Variants in TIE1 observed in about 807,000 individuals in gnomAD.
TIE1 encodes tyrosine-protein kinase receptor Tie-1.
In TIE1, 89 loss-of-function variants were observed where a neutral mutation model predicts 130.5. The observed-to-expected ratio is 0.68, with a 90% CI of 0.57 to 0.81. TIE1 has a LOEUF of 0.81. Among genes scored for constraint, TIE1 ranks in the 40% least tolerant of loss-of-function variants. The probability of loss-of-function intolerance (pLI) is 0.00; values close to 1 mark genes in which losing one functional copy is unlikely to be tolerated. For missense variants in TIE1, 1,392 were observed against 1,559.8 expected, an observed-to-expected ratio of 0.89 and a Z score of 1.81; for synonymous variants, 568 against 629.4, an observed-to-expected ratio of 0.90 and a Z score of 1.46.
rs531492123 is a variant in TIE1 at position 43,306,695 on chromosome 1, C to T, written c.485-145C>T. Reference sequence around the variant, plus strand: ...AAGAGGGCACTTCTGAGCTTTCTGGCGTGGGCATAGGCTCTCGTGGTGCCG... The same window carrying T: ...AAGAGGGCACTTCTGAGCTTTCTGGTGTGGGCATAGGCTCTCGTGGTGCCG... On this transcript the variant is annotated intron_variant, in intron 3 of 22. Transcript: ENST00000372476. The surrounding 1 kb of genome is among the most constrained non-coding windows in gnomAD (Gnocchi z 4.9). 13 of 1,041,484 alleles carry T rather than the reference C, an allele frequency of 1.2e-5. No individual in the cohort carries two copies. The highest frequency in any genetic ancestry group is 1.7e-5 in the Non-Finnish European group (12 of 719,960). 64.5% of individuals were successfully genotyped at this position (1,041,484 alleles called of 1,614,324 possible). A position where few individuals can be genotyped will look rare whatever the true frequency, so the allele number is the denominator to read the frequency against.
At position 43,306,955 on chromosome 1, in the gene TIE1, C is replaced by G. The variant is rs1310707132; in HGVS notation, c.600C>G (p.Ala200=). The G allele has an allele frequency of 6.2e-7, 1 of 1,614,014 alleles. No individual in the cohort carries two copies. The highest frequency in any genetic ancestry group is 8.5e-7 in the Non-Finnish European group (1 of 1,180,000). The change falls in exon 4 of 23, where the codon GCC becomes GCG. Residue 200 remains alanine (A), a synonymous_variant. Transcript: ENST00000372476. This position sits in a 1 kb window ranked among gnomAD's most constrained non-coding sequence, Gnocchi z 4.9. ...TCTACAGTGCCACTTACCTGGAAGCCAGCCCCCTGGGCAGCGCCTTCTTTC... is the reference window on the plus strand; with the variant it reads ...TCTACAGTGCCACTTACCTGGAAGCGAGCCCCCTGGGCAGCGCCTTCTTTC... ...SGIYSATYLE[A]SPLGSAFFRL...
At chr1:43,321,097 G>T (rs1310897924) in intron 19 of TIE1, among the ~76,000 whole-genome samples, 172 bp from the exon 20 acceptor site, 1 of 151,804 alleles carries the variant, frequency 6.6e-6, no homozygotes, top group Admixed American at 6.6e-5. Context: ...AGGGATGGGG[G>T]CAGTATGAAG....
intron 1 of TIE1, among the ~76,000 whole-genome samples, chr1:43,303,990 A>G (rs1488126230): frequency 6.6e-6 from 1 of 152,224 alleles, no homozygotes; most frequent in Non-Finnish European, 1.5e-5. Context: ...TTTGGAAGGC[A>G]AACAAAGACC....
Position 43,306,229 on chromosome 1 carries a change from C to A in TIE1, c.485-611C>A, listed in dbSNP as rs1646726942. 6.6e-6 allele frequency among the ~76,000 whole-genome samples: 1 copy of A among 152,058 alleles called. No individual in the cohort carries two copies. Among genetic ancestry groups the A allele is most frequent in the Admixed American group, 6.6e-5 (1 of 15,254 alleles). The stretch of plus-strand genomic sequence containing the variant: ...AGGCAGAAAAGGAAGGAAGGGCCTT[C>A]CAGGAGGAGGGACTGAGAAGAGCAG... On this transcript the variant is annotated intron_variant, in intron 3 of 22. Transcript: ENST00000372476. The surrounding 1 kb of genome is among the most constrained non-coding windows in gnomAD (Gnocchi z 4.9).
rs1646926517 is a variant in TIE1 at position 43,322,108 on chromosome 1, C to T, written c.3345+393C>T. ...TGGATGGATGGGTGAATGAGTGATA[C>T]AGTAACCGTATGAATGAATGAATGG... On this transcript the variant is annotated intron_variant, in intron 22 of 22. Coordinates refer to ENST00000372476, the MANE Select transcript of TIE1 (RefSeq NM_005424.5). The surrounding 1 kb of genome is among the most constrained non-coding windows in gnomAD (Gnocchi z 4.0). Among the ~76,000 whole-genome samples the T allele has an allele frequency of 1.3e-5, 2 of 152,116 alleles. No homozygotes were observed. The highest frequency in any genetic ancestry group is 6.5e-5 in the Admixed American group (1 of 15,272).
chr1:43,307,182 G>A lies in TIE1; in HGVS notation c.681G>A (p.Glu227=). The A allele has an allele frequency of 1.9e-6, 3 of 1,614,170 alleles. 1 individual carries two copies. The South Asian group carries it at 3.3e-5, about 18-fold the overall frequency. The change falls in exon 5 of 23, where the codon GAG becomes GAA. Residue 227 remains glutamate, a synonymous_variant. Coordinates refer to ENST00000372476, the MANE Select transcript of TIE1 (RefSeq NM_005424.5). The surrounding 1 kb of genome is among the most constrained non-coding windows in gnomAD (Gnocchi z 5.4). The part of the protein sequence containing the change: ...AGRWGPGCTK[E]CPGCLHGGVC... ...GCTGGGGGCCAGGCTGTACCAAGGAGTGCCCAGGTTGCCTACATGGAGGTG... is the reference window on the plus strand; with the variant it reads ...GCTGGGGGCCAGGCTGTACCAAGGAATGCCCAGGTTGCCTACATGGAGGTG...
chr1:43,321,042 AAAAAAAAAAAAAC>A (rs1488175742), intron 19 of TIE1, among the ~76,000 whole-genome samples: 3 of 149,956 alleles, frequency 2.0e-5, no homozygotes, highest in Admixed American at 6.6e-5. Context: ...CAAAAAAAAA[AAAAAAAAAAAAAC>A]AAAACAAAAG....
At position 43,312,797 on chromosome 1, in the gene TIE1, ACAGATCAC is replaced by A. The variant is rs147444376; in HGVS notation, c.1927+200_1927+207del. 7.4e-3 allele frequency among the ~76,000 whole-genome samples: 1,119 copies of A among 152,236 alleles called. 8 individuals are homozygous for A. The highest frequency in any genetic ancestry group is 0.026 in the African/African-American group (1,063 of 41,516). On this transcript the variant is annotated intron_variant, in intron 12 of 22. Coordinates refer to ENST00000372476, the MANE Select transcript of TIE1 (RefSeq NM_005424.5). This position sits in a 1 kb window ranked among gnomAD's most constrained non-coding sequence, Gnocchi z 5.6. ...GGAAGATCCAGGGTACCAGGAGGAC[ACAGATCAC>A]CAGGAGCATGTGGGGAGAGCATGGG...
chr1:43,305,043 G>T lies in TIE1; in HGVS notation c.251G>T (p.Gly84Val), dbSNP rs761774649. 3 of 1,600,976 alleles carry T rather than the reference G, an allele frequency of 1.9e-6. No homozygotes were observed. In the Admixed American group the frequency reaches 5.1e-5, roughly 27 times the overall value. Reference protein sequence around the residue: ...PGPPLRLARNGSHQVTLRGFS... With the variant: ...PGPPLRLARNVSHQVTLRGFS... ...CCACCCCTGCGCCTGGCGCGCAACG[G>T]TTCGCACCAGGTCACGCTTCGCGGC... Residue 84 changes from glycine to valine, a missense_variant, in exon 2 of 23, where the codon GGT becomes GTT. This residue lies in a region of TIE1 where 415 missense variants were observed against 424.8 expected (regional missense o/e 0.98). Transcript: ENST00000372476.
In TIE1 at chr1:43,304,927, T is replaced by C. The variant is rs190417681; in HGVS notation, c.135T>C (p.Ser45=). 575 of 1,442,536 alleles carry C rather than the reference T, an allele frequency of 4.0e-4. 2 individuals are homozygous for C. In the African/African-American group the frequency reaches 7.4e-3, roughly 19 times the overall value. The allele number at this position is 1,442,536 out of a possible 1,614,324, so 89.4% of individuals were successfully genotyped here. ...DPQRFFLTCV[S]GEAGAGRGSD... is the part of the protein sequence containing the mutation. ...AGCGCTTCTTCCTGACTTGCGTGTCTGGGGAGGCCGGGGCGGGGAGGGGCT... is the reference window on the plus strand; with the variant it reads ...AGCGCTTCTTCCTGACTTGCGTGTCCGGGGAGGCCGGGGCGGGGAGGGGCT... The change falls in exon 2 of 23, where the codon TCT becomes TCC. Residue 45 remains serine, a synonymous_variant. Coordinates refer to ENST00000372476, the MANE Select transcript of TIE1 (RefSeq NM_005424.5).
Position 43,304,928 on chromosome 1 carries a change from G to A in TIE1, c.136G>A (p.Gly46Arg), listed in dbSNP as rs1646709047. 1 of 1,444,440 alleles carries A rather than the reference G, an allele frequency of 6.9e-7. No individual in the cohort carries two copies. Among genetic ancestry groups the A allele is most frequent in the Non-Finnish European group, 9.1e-7 (1 of 1,103,344 alleles). 89.5% of individuals were successfully genotyped at this position (1,444,440 alleles called of 1,614,324 possible). A position where few individuals can be genotyped will look rare whatever the true frequency, so the allele number is the denominator to read the frequency against. The part of the protein sequence containing the change: ...PQRFFLTCVS[G>R]EAGAGRGSDA... The stretch of plus-strand genomic sequence containing the variant: ...GCGCTTCTTCCTGACTTGCGTGTCT[G>A]GGGAGGCCGGGGCGGGGAGGGGCTC... The change falls in exon 2 of 23, where the codon GGG becomes AGG. Residue 46 changes from glycine (G) to arginine (R), a missense_variant. Transcript: ENST00000372476.
chr1:43,305,225 C>T lies in TIE1; in HGVS notation c.374-8C>T, dbSNP rs1206016391. The T allele has an allele frequency of 1.9e-6, 3 of 1,613,944 alleles. No homozygotes were observed. Among genetic ancestry groups the T allele is most frequent in the Non-Finnish European group, 2.5e-6 (3 of 1,179,896 alleles). ...AACCAGGCCGCTGACCCACCTTCCA[C>T]CCCGCAGCCCACCTGCTTCCAGACA... On this transcript the variant is annotated splice_polypyrimidine_tract_variant and splice_region_variant and intron_variant, in intron 2 of 22. Transcript: ENST00000372476.
At chr1:43,308,964 G>A in intron 7 of TIE1, 22 bp from the exon 8 acceptor site, 4 of 1,614,010 alleles carry the variant, frequency 2.5e-6, no homozygotes, top group Middle Eastern at 1.7e-4. Context: ...GGAGCTCCAG[G>A]ATGAGTGTCC....
Position 43,305,308 on chromosome 1 carries a change from AG to A in TIE1, c.451del (p.Glu151ArgfsTer6), listed in dbSNP as rs1198027122. The A allele has an allele frequency of 6.3e-7, 1 of 1,596,598 alleles. No individual in the cohort carries two copies. Among genetic ancestry groups the A allele is most frequent in the Non-Finnish European group, 8.6e-7 (1 of 1,167,920 alleles). On this transcript the variant is annotated frameshift_variant, in exon 3 of 23. Coordinates refer to ENST00000372476, the MANE Select transcript of TIE1 (RefSeq NM_005424.5). LOFTEE classifies it high-confidence loss of function. ...DTAVLSARVH[K>X]EKQTDVIWKS... ...GCTGTACTTTCTGCACGTGTGCACA[AG>A]GAGAAGCAGACAGACGTGATCTGGA...
At position 43,313,850 on chromosome 1, in the gene TIE1, C is replaced by T. The variant is rs755338062; in HGVS notation, c.2291C>T (p.Ala764Val). 1.1e-5 allele frequency: 18 copies of T among 1,613,942 alleles called. No homozygotes were observed. In the Admixed American group the frequency reaches 1.5e-4, roughly 13 times the overall value. The change falls in exon 14 of 23, where the codon GCG (alanine) becomes GTG (valine). Residue 764 changes from alanine to valine, a missense_variant. Around this residue, in one of 6 missense-constraint regions of TIE1, gnomAD observed 286 missense variants for 354.4 expected, o/e 0.81. Transcript: ENST00000372476. This position sits in a 1 kb window ranked among gnomAD's most constrained non-coding sequence, Gnocchi z 6.2. Reference protein sequence around the residue: ...EEGLDQQLILAVVGSVSATCL... With the variant: ...EEGLDQQLILVVVGSVSATCL... ...GGCCTGGATCAGCAGCTGATCCTGG[C>T]GGTGGTGGGCTCCGTGTCTGCCACC...
intron 7 of TIE1, 113 bp from the exon 8 acceptor site, chr1:43,308,873 T>C: frequency 1.4e-6 from 2 of 1,461,700 alleles, no homozygotes; most frequent in African/African-American, 1.4e-5. Context: ...GTTTTCAGGC[T>C]GGAGGGACTG....
At chr1:43,311,638 T>C (rs1646792183) in intron 9 of TIE1, 33 bp from the exon 10 acceptor site, 1 of 1,598,206 alleles carries the variant, frequency 6.3e-7, no homozygotes, top group Non-Finnish European at 8.5e-7. Context: ...GGATAGGCTG[T>C]GTGCCCATGC....
intron 10 of TIE1, 48 bp downstream of exon 10, chr1:43,311,877 G>A (rs1427155819): frequency 1.3e-6 from 2 of 1,594,456 alleles, no homozygotes; most frequent in African/African-American, 1.3e-5. Context: ...GGGTAATAGT[G>A]AAGGGATACA....
In TIE1 at chr1:43,312,694, A is replaced by G; in HGVS notation, c.1927+93A>G. The G allele has an allele frequency of 7.1e-7, 1 of 1,402,666 alleles. No individual in the cohort carries two copies. The highest frequency in any genetic ancestry group is 9.6e-7 in the Non-Finnish European group (1 of 1,040,520). The allele number at this position is 1,402,666 out of a possible 1,614,324, so 86.9% of individuals were successfully genotyped here. A position where few individuals can be genotyped will look rare whatever the true frequency, so the allele number is the denominator to read the frequency against. ...TAGGAGACACGGGAGGCTGTAGGAG[A>G]TTAATGGACATGGAGAGGACACAGG... On this transcript the variant is annotated intron_variant, in intron 12 of 22. Coordinates refer to ENST00000372476, the MANE Select transcript of TIE1 (RefSeq NM_005424.5). The surrounding 1 kb of genome is among the most constrained non-coding windows in gnomAD (Gnocchi z 5.6).
Sources: gnomAD v4.1 joint callset for allele counts (sites outside exome capture counted in the v4.1 genomes callset) on GRCh38, gnomAD v4.1.1 for gene constraint, gnomAD v4.1.1 regional missense constraint, Gnocchi (gnomAD v3.1) non-coding constraint, MANE v1.5 for transcripts, NCBI Gene and HGNC (gene_info 2026-07-23, HGNC 2026-07-21) for gene names.